The following GRID2 variants were observed in gnomAD, a reference collection of about 807,000 sequenced individuals.
The protein encoded by GRID2 is glutamate ionotropic receptor delta type subunit 2, also known as glutamate receptor ionotropic, delta-2.
Under a neutral mutation model 114.8 loss-of-function variants are expected in GRID2, and 33 were observed. The observed-to-expected ratio is 0.29, with a 90% CI of 0.22 to 0.38. The LOEUF (loss-of-function observed/expected upper bound fraction) is 0.38. GRID2 is among the 10% of genes least tolerant of loss of function. GRID2 has a pLI of 1.00. For missense variants in GRID2, 1,184 were observed against 1,257.7 expected, an observed-to-expected ratio of 0.94 and a Z score of 0.89; for synonymous variants, 505 against 449.9, an observed-to-expected ratio of 1.12 and a Z score of -1.55.
intron 6 of GRID2, among the ~76,000 whole-genome samples, chr4:93,223,716 T>C (rs572868808): frequency 2.0e-5 from 3 of 152,132 alleles, no homozygotes; most frequent in African/African-American, 4.8e-5. Context: ...TCAGAGGAAA[T>C]ATAACATGAA....
chr4:93,016,872 G>A (rs1578759667), intron 2 of GRID2, among the ~76,000 whole-genome samples: 3 of 152,126 alleles, frequency 2.0e-5, no homozygotes, highest in Non-Finnish European at 2.9e-5. Flanking sequence ...TATTAGGTTT[G>A]AAATTTTGTC....
chr4:93,020,957 C>T (rs942412893), intron 2 of GRID2, among the ~76,000 whole-genome samples: 3 of 151,012 alleles, frequency 2.0e-5, no homozygotes. Context: ...GCTTGCACTG[C>T]AGGCAGAGGT....
chr4:92,500,261 C>A (rs1225455616), intron 1 of GRID2, among the ~76,000 whole-genome samples: 1 of 151,634 alleles, frequency 6.6e-6, no homozygotes, highest in African/African-American at 2.4e-5. Flanking sequence ...AAAATTTTTT[C>A]TTTCATAATT....
chr4:92,962,856 G>A lies in GRID2; in HGVS notation c.245-122139G>A, dbSNP rs145792460. ...ATAGCCCAGCAATAGTTCCCACAGA[G>A]GTTTCTGGTCCAGTAAGTTGCAATT... On this transcript the variant is annotated intron_variant, in intron 2 of 15. Transcript: ENST00000282020. Among the ~76,000 whole-genome samples the A allele has an allele frequency of 3.3e-5, 5 of 151,982 alleles. No homozygotes were observed. The East Asian group carries it at 9.7e-4, about 30-fold the overall frequency.
chr4:93,730,290 A>G (rs1345683250), intron 14 of GRID2, among the ~76,000 whole-genome samples: 1 of 152,002 alleles, frequency 6.6e-6, no homozygotes. Context: ...AATTCAGAAA[A>G]CTTCCTCAGA....
chr4:93,225,011 T>C (rs1386893225), intron 7 of GRID2, among the ~76,000 whole-genome samples: 1 of 152,070 alleles, frequency 6.6e-6, no homozygotes, highest in Non-Finnish European at 1.5e-5. Flanking sequence ...GGTTGAGATA[T>C]ACCCACTTGA....
intron 2 of GRID2, among the ~76,000 whole-genome samples, chr4:92,910,993 GT>G (rs776164375): frequency 5.1e-4 from 77 of 152,130 alleles, no homozygotes; most frequent in Admixed American, 1.7e-3. Flanking sequence ...TTCTGATACA[GT>G]TGATATAGTT....
At chr4:93,518,454 AT>A (rs1730021521) in intron 13 of GRID2, among the ~76,000 whole-genome samples, 1 of 152,062 alleles carries the variant, frequency 6.6e-6, no homozygotes, top group Non-Finnish European at 1.5e-5. Context: ...ATGCAGCTGA[AT>A]TTTTTATGCA....
At chr4:93,124,644 A>C (rs771636052) in intron 4 of GRID2, among the ~76,000 whole-genome samples, 3 of 152,158 alleles carry the variant, frequency 2.0e-5, no homozygotes, top group Non-Finnish European at 2.9e-5. Flanking sequence ...CAAAATCAAT[A>C]TTTTAGTTTT....
At chr4:92,951,345 A>C (rs554908484) in intron 2 of GRID2, among the ~76,000 whole-genome samples, 418 of 140,794 alleles carry the variant, frequency 3.0e-3, no homozygotes, top group Non-Finnish European at 4.9e-3. Flanking sequence ...TTATTTATTT[A>C]TTTATTTATT....
At chr4:92,590,085 A>G (rs1156692131) in intron 1 of GRID2, 46 bp from the exon 2 acceptor site, 4 of 1,322,026 alleles carry the variant, frequency 3.0e-6, no homozygotes, top group African/African-American at 2.9e-5. Context: ...AGGGGATGAC[A>G]GAATATTTAT....
chr4:92,752,617 A>T (rs541923909), intron 2 of GRID2, among the ~76,000 whole-genome samples: 1 of 152,120 alleles, frequency 6.6e-6, no homozygotes, highest in Non-Finnish European at 1.5e-5. Flanking sequence ...TGGATTTTTT[A>T]TTTAGTTCAT....
chr4:92,423,154 G>T (rs1731987483), intron 1 of GRID2, among the ~76,000 whole-genome samples: 1 of 152,048 alleles, frequency 6.6e-6, no homozygotes, highest in South Asian at 2.1e-4. Context: ...GCTCAAACTG[G>T]GAATCTAGCT....
At chr4:93,777,103 C>T (rs912002719), downstream of GRID2, among the ~76,000 whole-genome samples, 2 of 152,164 alleles carry the variant, frequency 1.3e-5, no homozygotes, top group Non-Finnish European at 2.9e-5. Flanking sequence ...ATCCTTCAGG[C>T]TGCCCACCAT....
At chr4:92,750,498 G>C (rs1737397463) in intron 2 of GRID2, among the ~76,000 whole-genome samples, 1 of 151,998 alleles carries the variant, frequency 6.6e-6, no homozygotes, top group Non-Finnish European at 1.5e-5. Context: ...ACCAAAGAAA[G>C]AATTTAAGAG....
At chr4:92,771,287 C>T (rs1417266046) in intron 2 of GRID2, among the ~76,000 whole-genome samples, 2 of 152,108 alleles carry the variant, frequency 1.3e-5, no homozygotes, top group Non-Finnish European at 2.9e-5. Flanking sequence ...AATTATTATA[C>T]TCTCCCTTTG....
intron 1 of GRID2, among the ~76,000 whole-genome samples, chr4:92,432,409 T>G (rs183553620): frequency 6.6e-6 from 1 of 152,074 alleles, no homozygotes; most frequent in East Asian, 1.9e-4. Context: ...ACCTTAGGAA[T>G]CTACTTGGTG....
intron 14 of GRID2, among the ~76,000 whole-genome samples, chr4:93,697,138 G>A (rs550268700): frequency 1.3e-5 from 2 of 152,118 alleles, no homozygotes; most frequent in Non-Finnish European, 2.9e-5. Flanking sequence ...TGGGTTTCTG[G>A]AATTTAGAGA....
intron 2 of GRID2, among the ~76,000 whole-genome samples, chr4:93,014,135 A>G (rs1578753151): frequency 6.6e-6 from 1 of 152,226 alleles, no homozygotes; most frequent in African/African-American, 2.4e-5. Flanking sequence ...GGTGTTCTAC[A>G]TGCTAAAGTG....
Sources: gnomAD v4.1 joint callset for allele counts (sites outside exome capture counted in the v4.1 genomes callset) on GRCh38, gnomAD v4.1.1 for gene constraint, MANE v1.5 for transcripts, NCBI Gene and HGNC (gene_info 2026-07-23, HGNC 2026-07-21) for gene names.